ZFAND6: variants seen among roughly 807,000 people sequenced by gnomAD.
ZFAND6 encodes the protein AN1-type zinc finger protein 6.
In ZFAND6, 12 loss-of-function variants were observed where a neutral mutation model predicts 24.5. That is an observed-to-expected ratio of 0.49 (90% CI 0.31 to 0.79). The LOEUF is 0.79. ZFAND6 is among the 30% of genes least tolerant of loss of function. The probability of loss-of-function intolerance (pLI) is 0.04; values close to 1 mark genes in which losing one functional copy is unlikely to be tolerated. For synonymous variants in ZFAND6, 92 were observed against 81.5 expected (o/e 1.13, Z -0.69); for missense variants, 207 against 245.9 (o/e 0.84, Z 1.06).
chr15:80,134,658 G>T, intron 6 of ZFAND6, among the ~76,000 whole-genome samples: 1 of 152,168 alleles, frequency 6.6e-6, no homozygotes, highest in African/African-American at 2.4e-5. Context: ...AGAAAGGTTG[G>T]GGGTTAAGGA....
intron 2 of ZFAND6, among the ~76,000 whole-genome samples, chr15:80,105,353 T>G (rs2039266736): frequency 6.6e-6 from 1 of 152,240 alleles, no homozygotes; most frequent in Admixed American, 6.5e-5. Flanking sequence ...AGGTGATTAC[T>G]GTCTCTGTGG....
intron 1 of ZFAND6, among the ~76,000 whole-genome samples, chr15:80,080,558 T>G (rs1792015991): frequency 6.6e-6 from 1 of 152,208 alleles, no homozygotes; most frequent in Admixed American, 6.5e-5. Context: ...TCAAAATATC[T>G]TAGTATCTTC....
At chr15:80,133,046 A>C (rs968215452) in intron 6 of ZFAND6, among the ~76,000 whole-genome samples, 10 of 152,092 alleles carry the variant, frequency 6.6e-5, no homozygotes, top group Admixed American at 3.9e-4. Context: ...TGTATTGACA[A>C]TGCAGCTTTT....
intron 2 of ZFAND6, among the ~76,000 whole-genome samples, chr15:80,114,444 C>T (rs549426528): frequency 2.0e-5 from 3 of 152,124 alleles, no homozygotes; most frequent in East Asian, 1.9e-4. Context: ...AAACTAAAAC[C>T]GAAGTAATAT....
rs553235673 is a variant in ZFAND6 at position 80,098,328 on chromosome 15, G to A, written c.-180-88G>A. ...ACCCTTTTAACCTAGCTATAATAGC[G>A]AAAGCACTCCTTAAAATTTTAGGTG... On this transcript the variant is annotated intron_variant, in intron 1 of 6. Coordinates refer to ENST00000261749, the MANE Select transcript of ZFAND6 (RefSeq NM_019006.4). The A allele has an allele frequency of 3.3e-5, 5 of 152,212 alleles. No homozygotes were observed. In the East Asian group the frequency reaches 9.6e-4, roughly 29 times the overall value. 9.4% of individuals were successfully genotyped at this position (152,212 alleles called of 1,614,324 possible). A position where few individuals can be genotyped will look rare whatever the true frequency, so the allele number is the denominator to read the frequency against.
At chr15:80,116,589 A>G (rs116696619) in intron 2 of ZFAND6, among the ~76,000 whole-genome samples, 1,534 of 152,252 alleles carry the variant, frequency 0.01, 23 homozygotes, top group African/African-American at 0.034. Context: ...CTGGGCTCAT[A>G]TGTATTTGGA....
At chr15:80,060,471 TC>T (rs1567043398) in intron 1 of ZFAND6, 1 of 152,244 alleles carries the variant, frequency 6.6e-6, no homozygotes, top group Admixed American at 6.5e-5. Context: ...GTGTTTGAAA[TC>T]TTTTTAACTT....
intron 2 of ZFAND6, among the ~76,000 whole-genome samples, chr15:80,109,971 A>G (rs1401894780): frequency 1.3e-5 from 2 of 152,180 alleles, no homozygotes; most frequent in Admixed American, 6.5e-5. Flanking sequence ...CAGTCATTCA[A>G]AGATTTGATC....
At chr15:80,070,692 A>ACCG (rs1448258165) in intron 1 of ZFAND6, among the ~76,000 whole-genome samples, 1 of 152,194 alleles carries the variant, frequency 6.6e-6, no homozygotes, top group Non-Finnish European at 1.5e-5. Flanking sequence ...TTTGTTTCAT[A>ACCG]ATTAACTTCG....
At chr15:80,108,632 A>T (rs116331734) in intron 2 of ZFAND6, among the ~76,000 whole-genome samples, 3 of 152,198 alleles carry the variant, frequency 2.0e-5, no homozygotes, top group Admixed American at 6.5e-5. Context: ...ACTGTTTGGT[A>T]TGCTAAATTA....
At chr15:80,136,822 A>G (rs61274242) in intron 6 of ZFAND6, among the ~76,000 whole-genome samples, 1 of 152,246 alleles carries the variant, frequency 6.6e-6, no homozygotes, top group Non-Finnish European at 1.5e-5. Context: ...CTTAAAATTA[A>G]GTAGCATTTA....
intron 1 of ZFAND6, among the ~76,000 whole-genome samples, chr15:80,097,850 T>TA (rs2038822543): frequency 6.6e-6 from 1 of 152,086 alleles, no homozygotes; most frequent in South Asian, 2.1e-4. Context: ...TTTTTTTTTT[T>TA]ATGGGAACAA....
intron 2 of ZFAND6, among the ~76,000 whole-genome samples, chr15:80,118,184 C>T (rs1194873199): frequency 2.0e-5 from 3 of 152,022 alleles, no homozygotes; most frequent in Non-Finnish European, 4.4e-5. Flanking sequence ...TGTAGTGGTG[C>T]GATCCCGGCT....
At chr15:80,080,094 G>A (rs2037564376) in intron 1 of ZFAND6, among the ~76,000 whole-genome samples, 1 of 151,662 alleles carries the variant, frequency 6.6e-6, no homozygotes, top group South Asian at 2.1e-4. Flanking sequence ...CATCTCCAGG[G>A]TTCAAGCAGT....
At chr15:80,079,701 G>T (rs2037530576) in intron 1 of ZFAND6, among the ~76,000 whole-genome samples, 1 of 144,778 alleles carries the variant, frequency 6.9e-6, no homozygotes, top group South Asian at 2.2e-4. Flanking sequence ...CCAGGCTGGA[G>T]TGCAGTGGCG....
chr15:80,061,219 T>G (rs1413951067), intron 1 of ZFAND6, among the ~76,000 whole-genome samples: 3 of 152,238 alleles, frequency 2.0e-5, no homozygotes, highest in African/African-American at 7.2e-5. Context: ...ACATCACAAA[T>G]GTGCAGGAGA....
At chr15:80,111,689 C>A (rs546534268) in intron 2 of ZFAND6, 1 of 294,048 alleles carries the variant, frequency 3.4e-6, no homozygotes, top group African/African-American at 2.2e-5. Flanking sequence ...GCTCATCTTA[C>A]CACTTTGTGC....
chr15:80,059,339 C>T (rs2036198647), upstream of ZFAND6, among the ~76,000 whole-genome samples: 1 of 152,350 alleles, frequency 6.6e-6, no homozygotes, highest in South Asian at 2.1e-4. Flanking sequence ...AAAGTCTCCG[C>T]GGCACCTCTT....
intron 2 of ZFAND6, chr15:80,111,623 C>A: frequency 2.7e-6 from 1 of 367,038 alleles, no homozygotes; most frequent in Non-Finnish European, 5.5e-6. Context: ...TGATATATTG[C>A]TATAAGGAAA....
Sources: allele counts gnomAD v4.1 joint callset (sites outside exome capture counted in the v4.1 genomes callset), GRCh38; gene constraint gnomAD v4.1.1; transcripts MANE v1.5; gene names NCBI Gene and HGNC (gene_info 2026-07-23, HGNC 2026-07-21).